The following CDH13 variants were observed in gnomAD, a reference collection of about 807,000 sequenced individuals.
CDH13 encodes cadherin 13.
Under a neutral mutation model 63.8 loss-of-function variants are expected in CDH13, and 24 were observed. That is an observed-to-expected ratio of 0.38 (90% CI 0.27 to 0.53). The LOEUF is 0.53. CDH13 is among the 20% of genes least tolerant of loss of function. The probability of loss-of-function intolerance (pLI) is 0.85; values close to 1 mark genes in which losing one functional copy is unlikely to be tolerated. For missense variants in CDH13, 1,049 were observed against 903.1 expected (o/e 1.16, Z -2.07); for synonymous variants, 503 against 355.3 (o/e 1.42, Z -4.67).
At chr16:82,826,394 T>G (rs531957936) in intron 1 of CDH13, 1 of 152,336 alleles carries the variant, frequency 6.6e-6, no homozygotes, top group East Asian at 1.9e-4. Flanking sequence ...GGTTGTGTGT[T>G]TTTTTATTTC....
intron 6 of CDH13, among the ~76,000 whole-genome samples, chr16:83,476,393 C>T (rs1373039542): frequency 2.0e-5 from 3 of 152,192 alleles, no homozygotes; most frequent in East Asian, 3.9e-4. Context: ...CTTAAATTGG[C>T]TGGGCGCAGT....
chr16:83,030,929 T>C (rs1018521799), intron 2 of CDH13, among the ~76,000 whole-genome samples: 8 of 151,842 alleles, frequency 5.3e-5, no homozygotes, highest in African/African-American at 1.2e-4. Context: ...TAAAAACATA[T>C]GGACTATTCC....
intron 7 of CDH13, among the ~76,000 whole-genome samples, chr16:83,564,073 A>G (rs13335817): frequency 0.01 from 1,572 of 152,294 alleles, 21 homozygotes; most frequent in African/African-American, 0.036. Flanking sequence ...ATGAGGTCAA[A>G]TACGTGAAAT....
intron 13 of CDH13, among the ~76,000 whole-genome samples, chr16:83,785,299 C>T (rs1256906106): frequency 6.6e-6 from 1 of 152,160 alleles, no homozygotes; most frequent in Non-Finnish European, 1.5e-5. Flanking sequence ...TGAAAGCCCA[C>T]ATTCTGGTTC....
At chr16:83,395,009 A>G (rs193076364) in intron 6 of CDH13, among the ~76,000 whole-genome samples, 6 of 152,218 alleles carry the variant, frequency 3.9e-5, no homozygotes, top group Non-Finnish European at 2.9e-5. Flanking sequence ...TTTGCTGGGC[A>G]TGGTGGTGGG....
chr16:83,591,318 A>C (rs554312194), intron 7 of CDH13, among the ~76,000 whole-genome samples: 3 of 152,338 alleles, frequency 2.0e-5, no homozygotes, highest in African/African-American at 7.2e-5. Flanking sequence ...ACAAAAGCTA[A>C]TGTGGCAAAT....
intron 12 of CDH13, among the ~76,000 whole-genome samples, chr16:83,782,486 A>T (rs956023430): frequency 1.3e-5 from 2 of 152,190 alleles, no homozygotes; most frequent in Admixed American, 1.3e-4. Context: ...CTGTAATCCC[A>T]GCATTTTGGG....
At chr16:82,788,746 A>G (rs1413534260) in intron 1 of CDH13, among the ~76,000 whole-genome samples, 1 of 152,240 alleles carries the variant, frequency 6.6e-6, no homozygotes, top group African/African-American at 2.4e-5. Flanking sequence ...CAAGGTGCTT[A>G]GAGTGCCACA....
chr16:83,099,440 C>T (rs1313740164), intron 3 of CDH13, among the ~76,000 whole-genome samples: 1 of 151,762 alleles, frequency 6.6e-6, no homozygotes, highest in East Asian at 2.0e-4. Context: ...TCTCCTGCCT[C>T]AGCCTCCAGA....
chr16:82,649,563 T>G (rs1488886806), intron 1 of CDH13, among the ~76,000 whole-genome samples: 1 of 152,062 alleles, frequency 6.6e-6, no homozygotes, highest in African/African-American at 2.4e-5. Flanking sequence ...CATGGGGGAC[T>G]GAAGGGCCAG....
At chr16:82,812,605 C>T (rs1218682758) in intron 1 of CDH13, among the ~76,000 whole-genome samples, 4 of 151,988 alleles carry the variant, frequency 2.6e-5, no homozygotes, top group South Asian at 2.1e-4. Context: ...TCTAGTGACA[C>T]GGAGGGTGTT....
intron 1 of CDH13, among the ~76,000 whole-genome samples, chr16:82,800,532 T>C (rs777115942): frequency 6.6e-6 from 1 of 152,200 alleles, no homozygotes. Context: ...TGTTGACACA[T>C]TTCACAGAAG....
At chr16:83,493,785 G>A (rs553702678) in intron 7 of CDH13, among the ~76,000 whole-genome samples, 7 of 152,322 alleles carry the variant, frequency 4.6e-5, no homozygotes, top group African/African-American at 1.7e-4. Flanking sequence ...GTTCAACACA[G>A]CATTCACAGA....
rs115918410 is a variant in CDH13 at position 83,593,668 on chromosome 16, T to C, written c.961-8786T>C. On this transcript the variant is annotated intron_variant, in intron 7 of 13. Coordinates refer to ENST00000567109, the MANE Select transcript of CDH13 (RefSeq NM_001257.5). ...GTAATCAATATTATGCAATAATATG[T>C]AATCATATTTATGTAATAGTGGGCT... Among the ~76,000 whole-genome samples the C allele has an allele frequency of 6.5e-3, 984 of 152,234 alleles. 12 individuals are homozygous for C. Among genetic ancestry groups the C allele is most frequent in the African/African-American group, 0.022 (932 of 41,522 alleles).
chr16:83,479,744 AAT>A lies in CDH13; in HGVS notation c.782-6730_782-6729del, dbSNP rs57628886. Among the ~76,000 whole-genome samples the A allele has an allele frequency of 4.8e-3, 737 of 152,340 alleles. 12 individuals are homozygous for A. Among genetic ancestry groups the A allele is most frequent in the African/African-American group, 0.017 (695 of 41,570 alleles). On this transcript the variant is annotated intron_variant, in intron 6 of 13. Transcript: ENST00000567109. The stretch of plus-strand genomic sequence containing the variant: ...TAATTTGTGCATTCTCAAAGGGGGT[AAT>A]ATTACTTCTAAGCAAGAGAAAGTTG...
chr16:83,424,828 G>T (rs2071839192), intron 6 of CDH13, among the ~76,000 whole-genome samples: 1 of 152,096 alleles, frequency 6.6e-6, no homozygotes, highest in African/African-American at 2.4e-5. Flanking sequence ...GATTAGACAG[G>T]TAGCTCTTCG....
At chr16:83,354,105 C>T (rs938960104) in intron 6 of CDH13, among the ~76,000 whole-genome samples, 2 of 152,102 alleles carry the variant, frequency 1.3e-5, no homozygotes, top group Non-Finnish European at 2.9e-5. Context: ...AAAGATAAAC[C>T]TGACAGGAAT....
chr16:82,960,123 G>A (rs1427503106), intron 2 of CDH13, among the ~76,000 whole-genome samples: 1 of 152,174 alleles, frequency 6.6e-6, no homozygotes, highest in Non-Finnish European at 1.5e-5. Flanking sequence ...GAGGGCAAAT[G>A]CAGAAGCAGG....
chr16:83,190,313 G>T (rs1314251100), intron 4 of CDH13, among the ~76,000 whole-genome samples: 1 of 152,214 alleles, frequency 6.6e-6, no homozygotes, highest in East Asian at 1.9e-4. Flanking sequence ...AAGTGGGAGG[G>T]TTGATGTAAG....
Sources: allele counts gnomAD v4.1 joint callset (sites outside exome capture counted in the v4.1 genomes callset), GRCh38; gene constraint gnomAD v4.1.1; transcripts MANE v1.5; gene names NCBI Gene and HGNC (gene_info 2026-07-23, HGNC 2026-07-21).